The following ST8SIA6 variants were observed in gnomAD, a reference collection of about 807,000 sequenced individuals.
ST8SIA6 encodes ST8 alpha-N-acetyl-neuraminide alpha-2,8-sialyltransferase 6.
ST8SIA6 carries 39 observed loss-of-function variants against 33.6 expected under a neutral mutation model. The ratio of observed to expected loss-of-function variants is 1.16; its 90% CI spans 0.90 to 1.52. The LOEUF is 1.52. Among genes scored for constraint, ST8SIA6 ranks in the 40% most tolerant of loss-of-function variants. ST8SIA6 has a pLI of 0.00. For missense variants in ST8SIA6, 441 were observed against 443.8 expected, an observed-to-expected ratio of 0.99 and a Z score of 0.06; for synonymous variants, 172 against 167.2, an observed-to-expected ratio of 1.03 and a Z score of -0.22.
chr10:17,426,759 A>G (rs1460486240), intron 2 of ST8SIA6, among the ~76,000 whole-genome samples: 2 of 152,200 alleles, frequency 1.3e-5, no homozygotes, highest in African/African-American at 4.8e-5. Flanking sequence ...TTTCCACAAA[A>G]TTCATGGATC....
chr10:17,379,566 T>C (rs146812492), intron 3 of ST8SIA6, among the ~76,000 whole-genome samples: 2,731 of 152,278 alleles, frequency 0.018, 89 homozygotes, highest in African/African-American at 0.062. Context: ...ATTGCCTCCA[T>C]TGGAAAGACT....
At chr10:17,322,151 GGAAGAAAGAGA>G (rs1268919261) in intron 7 of ST8SIA6, among the ~76,000 whole-genome samples, 2 of 146,366 alleles carry the variant, frequency 1.4e-5, no homozygotes, top group Non-Finnish European at 3.0e-5. Context: ...GGAGAAAGAG[GGAAGAAAGAGA>G]GAAAGACGGA....
chr10:17,327,645 T>TGGGAA (rs200138407), intron 5 of ST8SIA6, among the ~76,000 whole-genome samples: 2,857 of 152,060 alleles, frequency 0.019, 31 homozygotes, highest in African/African-American at 0.023. Flanking sequence ...GGCTCACATC[T>TGGGAA]GTAATCCCAG....
intron 3 of ST8SIA6, among the ~76,000 whole-genome samples, chr10:17,387,556 C>A (rs191007837): frequency 6.6e-6 from 1 of 151,994 alleles, no homozygotes; most frequent in Non-Finnish European, 1.5e-5. Flanking sequence ...TGTGAGCCAC[C>A]GCGCCGGGCC....
intron 2 of ST8SIA6, among the ~76,000 whole-genome samples, chr10:17,393,054 G>A (rs145850867): frequency 1.5e-3 from 221 of 152,260 alleles, no homozygotes; most frequent in African/African-American, 4.6e-3. Context: ...TGAGCACTTG[G>A]ATAGAACAAA....
chr10:17,419,636 C>G (rs1851716837), intron 2 of ST8SIA6, among the ~76,000 whole-genome samples: 1 of 152,188 alleles, frequency 6.6e-6, no homozygotes, highest in Non-Finnish European at 1.5e-5. Flanking sequence ...AGATCATTGT[C>G]TTTGAAAAGG....
At chr10:17,374,710 T>C (rs1300568664) in intron 3 of ST8SIA6, among the ~76,000 whole-genome samples, 18 of 139,920 alleles carry the variant, frequency 1.3e-4, no homozygotes, top group African/African-American at 4.9e-4. Context: ...TGAGGCTCTG[T>C]CTCAAAAATA....
At chr10:17,410,890 T>C (rs1405723020) in intron 2 of ST8SIA6, among the ~76,000 whole-genome samples, 2 of 152,224 alleles carry the variant, frequency 1.3e-5, no homozygotes, top group Non-Finnish European at 2.9e-5. Flanking sequence ...TTCTCATTAA[T>C]ATTTAATGAA....
At chr10:17,443,468 T>A (rs1349652293) in intron 2 of ST8SIA6, among the ~76,000 whole-genome samples, 1 of 152,198 alleles carries the variant, frequency 6.6e-6, no homozygotes, top group African/African-American at 2.4e-5. Context: ...GGTAGAGAAT[T>A]TCGGTGTATT....
intron 6 of ST8SIA6, among the ~76,000 whole-genome samples, chr10:17,325,930 T>C (rs976252263): frequency 1.3e-5 from 2 of 152,198 alleles, no homozygotes; most frequent in African/African-American, 4.8e-5. Context: ...TTAGGCCTGA[T>C]CCTCATTACA....
chr10:17,397,526 C>T (rs1175723552), intron 2 of ST8SIA6, among the ~76,000 whole-genome samples: 2 of 152,052 alleles, frequency 1.3e-5, no homozygotes, highest in Admixed American at 6.6e-5. Flanking sequence ...TGAGCCACCG[C>T]GCCTGGCCTC....
rs1847826741 is a variant in ST8SIA6, at chr10:17,317,974, A to G, written c.*2904T>C. Among the ~76,000 whole-genome samples the G allele has an allele frequency of 6.6e-6, 1 of 152,170 alleles. No individual in the cohort carries two copies. The highest frequency in any genetic ancestry group is 1.5e-5 in the Non-Finnish European group (1 of 68,024). ...ATTATTACACTGCGCAAAAATTAAC[A>G]CTATGCAATTGATCATGAAGCCCTT... On this transcript the variant is annotated 3_prime_UTR_variant, in exon 8 of 8. Transcript: ENST00000377602.
At chr10:17,390,752 C>T (rs886288857) in intron 2 of ST8SIA6, 132 bp from the exon 3 acceptor site, 11 of 593,204 alleles carry the variant, frequency 1.9e-5, no homozygotes, top group Non-Finnish European at 3.0e-5. Context: ...TATTGGATTT[C>T]TCCATGGAAA....
chr10:17,366,271 A>G (rs939382809), intron 3 of ST8SIA6, among the ~76,000 whole-genome samples: 1 of 152,178 alleles, frequency 6.6e-6, no homozygotes, highest in Non-Finnish European at 1.5e-5. Flanking sequence ...GGAAAAAGGG[A>G]TCTGCAACTT....
chr10:17,448,554 G>A (rs1000812085), intron 2 of ST8SIA6, among the ~76,000 whole-genome samples: 1 of 152,096 alleles, frequency 6.6e-6, no homozygotes, highest in South Asian at 2.1e-4. Context: ...CTAATGATTG[G>A]ATATTTGGGT....
chr10:17,365,058 T>C (rs1849514969), intron 3 of ST8SIA6, among the ~76,000 whole-genome samples: 1 of 152,226 alleles, frequency 6.6e-6, no homozygotes, highest in South Asian at 2.1e-4. Flanking sequence ...ATTTTCATAA[T>C]GAAATTGAAA....
At chr10:17,386,465 G>A (rs1313708137) in intron 3 of ST8SIA6, among the ~76,000 whole-genome samples, 1 of 152,182 alleles carries the variant, frequency 6.6e-6, no homozygotes, top group African/African-American at 2.4e-5. Context: ...CTTGAACCCG[G>A]GAGGTGGAGG....
At chr10:17,427,059 G>A (rs1278720545) in intron 2 of ST8SIA6, among the ~76,000 whole-genome samples, 1 of 147,906 alleles carries the variant, frequency 6.8e-6, no homozygotes, top group Admixed American at 6.8e-5. Context: ...AGCTGAGATC[G>A]CACCACTGCC....
rs1213262586 is a variant in ST8SIA6, at chr10:17,319,527, C to G, written c.*1351G>C. On this transcript the variant is annotated 3_prime_UTR_variant, in exon 8 of 8. Transcript: ENST00000377602. ...CCACAAAAGAAAACCCGCAAACATT[C>G]TTTTTCTCCTAAGCTTTTACTGGAA... is the stretch of plus-strand genomic sequence containing the variant. Among the ~76,000 whole-genome samples, 4 of 152,130 alleles carry G rather than the reference C, an allele frequency of 2.6e-5. No individual in the cohort carries two copies. The highest frequency in any genetic ancestry group is 9.6e-5 in the African/African-American group (4 of 41,454).
Sources: allele counts gnomAD v4.1 joint callset (sites outside exome capture counted in the v4.1 genomes callset), GRCh38; gene constraint gnomAD v4.1.1; transcripts MANE v1.5; gene names NCBI Gene and HGNC (gene_info 2026-07-23, HGNC 2026-07-21).